ZBTB46: variants seen among roughly 807,000 people sequenced by gnomAD.
The protein encoded by ZBTB46 is zinc finger and BTB domain-containing protein 46.
A neutral mutation model predicts 44.1 loss-of-function variants in ZBTB46; 8 were observed. The ratio of observed to expected loss-of-function variants is 0.18; its 90% CI spans 0.11 to 0.33. The LOEUF is 0.33. ZBTB46 is among the 10% of genes least tolerant of loss of function. ZBTB46 has a pLI of 1.00. For missense variants in ZBTB46, 651 were observed against 847.7 expected, an observed-to-expected ratio of 0.77 and a Z score of 2.88; for synonymous variants, 409 against 382.3, an observed-to-expected ratio of 1.07 and a Z score of -0.81.
intron 1 of ZBTB46, among the ~76,000 whole-genome samples, chr20:63,797,698 A>C (rs940445557): frequency 1.3e-5 from 2 of 152,142 alleles, no homozygotes; most frequent in Admixed American, 1.3e-4. Context: ...CACCATTCTA[A>C]CTGGTGTGAG....
Position 63,790,549 on chromosome 20 carries a change from G to A in ZBTB46, c.209C>T (p.Ala70Val). 2 of 1,613,186 alleles carry A rather than the reference G, an allele frequency of 1.2e-6. No individual in the cohort carries two copies. The highest frequency in any genetic ancestry group is 3.3e-5 in the Admixed American group (2 of 60,014). The change falls in exon 2 of 5, where the codon GCC (alanine) becomes GTC (valine). Residue 70 changes from alanine (A) to valine (V), a missense_variant. Physicochemically the swap from Ala to Val is moderately conservative, Grantham distance 64 (BLOSUM62 0). Transcript: ENST00000245663. ...YCQVQKTSEQ[A>V]TVTHLDIVTA... is the part of the protein sequence containing the mutation. ...GACGATGTCCAGGTGCGTGACCGTG[G>A]CCTGCTCCGACGTCTTCTGCACCTG...
At chr20:63,811,745 T>C (rs2092718835) in intron 1 of ZBTB46, among the ~76,000 whole-genome samples, 1 of 152,058 alleles carries the variant, frequency 6.6e-6, no homozygotes, top group Non-Finnish European at 1.5e-5. Context: ...CCCTGCCACA[T>C]GAGGACTCAG....
At chr20:63,754,440 AGTTT>A (rs2092200865) in intron 3 of ZBTB46, among the ~76,000 whole-genome samples, 1 of 152,110 alleles carries the variant, frequency 6.6e-6, no homozygotes, top group Non-Finnish European at 1.5e-5. Context: ...TTTTTCTATT[AGTTT>A]ATTTAAAACA....
chr20:63,780,966 TAAAA>T lies in ZBTB46; in HGVS notation c.938-5008_938-5005del, dbSNP rs59209531. On this transcript the variant is annotated intron_variant, in intron 2 of 4. Coordinates refer to ENST00000245663, the MANE Select transcript of ZBTB46 (RefSeq NM_001369741.1). Reference sequence around the variant, plus strand: ...CAACATGGTGAAACCCCATCTCTACTAAAAAAAAAAAAAAAAATACAAAAATTAG... The same window carrying T: ...CAACATGGTGAAACCCCATCTCTACTAAAAAAAAAAAAATACAAAAATTAG... Among the ~76,000 whole-genome samples, 230 of 135,262 alleles carry T rather than the reference TAAAA, an allele frequency of 1.7e-3. 2 individuals carry two copies. Among genetic ancestry groups the T allele is most frequent in the East Asian group, 2.6e-3 (12 of 4,634 alleles). The allele number at this position is 135,262 out of a possible 152,430, so 88.7% of individuals were successfully genotyped here.
chr20:63,799,599 C>G (rs887294985), intron 1 of ZBTB46, among the ~76,000 whole-genome samples: 6 of 152,224 alleles, frequency 3.9e-5, no homozygotes, highest in African/African-American at 1.4e-4. Context: ...CCTCCCACCT[C>G]AGCCTCCCAA....
chr20:63,749,522 G>A (rs1293843113), intron 4 of ZBTB46, among the ~76,000 whole-genome samples: 1 of 152,112 alleles, frequency 6.6e-6, no homozygotes, highest in Non-Finnish European at 1.5e-5. Context: ...ATTTTTAGTA[G>A]AGACGGGGTT....
intron 1 of ZBTB46, among the ~76,000 whole-genome samples, chr20:63,804,916 T>G (rs2092672033): frequency 6.8e-6 from 1 of 147,236 alleles, no homozygotes; most frequent in Non-Finnish European, 1.5e-5. Flanking sequence ...AAAAAAAACC[T>G]ACATGACTTT....
intron 3 of ZBTB46, among the ~76,000 whole-genome samples, chr20:63,766,049 G>A (rs1391288932): frequency 6.6e-6 from 1 of 151,994 alleles, no homozygotes; most frequent in Non-Finnish European, 1.5e-5. Context: ...CTGTCATGCG[G>A]CCTCTGATGT....
chr20:63,813,654 G>A (rs2092730676), intron 1 of ZBTB46, among the ~76,000 whole-genome samples: 1 of 152,132 alleles, frequency 6.6e-6, no homozygotes, highest in Non-Finnish European at 1.5e-5. Flanking sequence ...CAGGTAGGAA[G>A]TGTCACAGAA....
At chr20:63,778,764 G>C (rs1331676364) in intron 2 of ZBTB46, among the ~76,000 whole-genome samples, 1 of 152,084 alleles carries the variant, frequency 6.6e-6, no homozygotes, top group Non-Finnish European at 1.5e-5. Flanking sequence ...CAAATCCCTC[G>C]ATGACACATC....
Position 63,747,096 on chromosome 20 carries a change from A to G in ZBTB46, c.1604T>C (p.Leu535Pro), listed in dbSNP as rs1261016243. The G allele has an allele frequency of 7.5e-6, 12 of 1,609,668 alleles. No homozygotes were observed. The highest frequency in any genetic ancestry group is 1.0e-5 in the Non-Finnish European group (12 of 1,179,462). The change falls in exon 5 of 5, where the codon CTG becomes CCG. Residue 535 changes from leucine to proline, a missense_variant. Physicochemically the swap from Leu to Pro is moderately conservative, Grantham distance 98. Coordinates refer to ENST00000245663, the MANE Select transcript of ZBTB46 (RefSeq NM_001369741.1). Reference sequence around the variant, plus strand: ...CCCTCGTGGGTCCTCAGGGTCCTCCAGATAGGGCCCGTCGCCTGGGAACAG... The same window carrying G: ...CCCTCGTGGGTCCTCAGGGTCCTCCGGATAGGGCCCGTCGCCTGGGAACAG... ...EALFPGDGPY[L>P]EDPEDPRGEA...
intron 2 of ZBTB46, among the ~76,000 whole-genome samples, chr20:63,782,686 C>A (rs115412712): frequency 1.0e-3 from 158 of 152,280 alleles, no homozygotes; most frequent in Non-Finnish European, 1.7e-3. Context: ...CCATGCCCCA[C>A]GACCCACGCC....
In ZBTB46 at chr20:63,779,405, AATT is replaced by A. The variant is rs1283828162; in HGVS notation, c.938-3446_938-3444del. On this transcript the variant is annotated intron_variant, in intron 2 of 4. Transcript: ENST00000245663. ...ACAGGTGCGTGCCACCACGCCGGCTAATTTTTTTTTTTTTTTTTTTTTTTTTTT... is the reference window on the plus strand; with the variant it reads ...ACAGGTGCGTGCCACCACGCCGGCTATTTTTTTTTTTTTTTTTTTTTTTTT... 1.8e-3 allele frequency among the ~76,000 whole-genome samples: 140 copies of A among 78,202 alleles called. 1 individual carries two copies. Among genetic ancestry groups the A allele is most frequent in the African/African-American group, 7.3e-3 (132 of 18,138 alleles). 51.3% of individuals were successfully genotyped at this position (78,202 alleles called of 152,430 possible). A position where few individuals can be genotyped will look rare whatever the true frequency, so the allele number is the denominator to read the frequency against.
chr20:63,794,189 C>CAA (rs574998605), intron 1 of ZBTB46, among the ~76,000 whole-genome samples: 143 of 108,670 alleles, frequency 1.3e-3, no homozygotes, highest in African/African-American at 2.3e-3. Context: ...GACTCCGTCT[C>CAA]AAAAAAAAAA....
In ZBTB46 at chr20:63,746,454, G is replaced by A. The variant is rs1301784435; in HGVS notation, c.*476C>T. On this transcript the variant is annotated 3_prime_UTR_variant, in exon 5 of 5. Coordinates refer to ENST00000245663, the MANE Select transcript of ZBTB46 (RefSeq NM_001369741.1). ...ACCACGGGCCACGGCTGCAGCCACA[G>A]GCAGTGACCTGGCTGCTAGGGGAGG... The A allele has an allele frequency of 1.3e-5, 2 of 158,414 alleles. No homozygotes were observed. Among genetic ancestry groups the A allele is most frequent in the Admixed American group, 1.3e-4 (2 of 15,446 alleles). 9.8% of individuals were successfully genotyped at this position (158,414 alleles called of 1,614,324 possible). A position where few individuals can be genotyped will look rare whatever the true frequency, so the allele number is the denominator to read the frequency against.
chr20:63,798,746 A>G (rs2092622533), intron 1 of ZBTB46, among the ~76,000 whole-genome samples: 1 of 145,602 alleles, frequency 6.9e-6, no homozygotes, highest in Non-Finnish European at 1.5e-5. Context: ...AAGGAGGCTG[A>G]GGTGGGAGAA....
At chr20:63,771,702 C>G (rs2092375743) in intron 3 of ZBTB46, among the ~76,000 whole-genome samples, 1 of 152,196 alleles carries the variant, frequency 6.6e-6, no homozygotes, top group African/African-American at 2.4e-5. Context: ...TTTACTCCCG[C>G]GCGGATTCCA....
intron 3 of ZBTB46, among the ~76,000 whole-genome samples, chr20:63,765,684 C>A (rs1425658123): frequency 6.6e-6 from 1 of 151,262 alleles, no homozygotes; most frequent in East Asian, 1.9e-4. Flanking sequence ...CCCGCCACAA[C>A]CTCCCAAAGT....
intron 3 of ZBTB46, among the ~76,000 whole-genome samples, chr20:63,754,663 G>A (rs950620493): frequency 6.7e-6 from 1 of 150,298 alleles, no homozygotes; most frequent in Non-Finnish European, 1.5e-5. Context: ...GCAGTGGCTC[G>A]ATCTCAGCTC....
Sources: gnomAD v4.1 joint callset for allele counts (sites outside exome capture counted in the v4.1 genomes callset) on GRCh38, gnomAD v4.1.1 for gene constraint, MANE v1.5 for transcripts, NCBI Gene and HGNC (gene_info 2026-07-23, HGNC 2026-07-21) for gene names.